Variants in ITGA9 observed in about 807,000 individuals in gnomAD.
ITGA9 encodes integrin subunit alpha 9.
ITGA9 carries 56 observed loss-of-function variants against 127.8 expected under a neutral mutation model. The ratio of observed to expected loss-of-function variants is 0.44; its 90% CI spans 0.35 to 0.55. The LOEUF (loss-of-function observed/expected upper bound fraction) is 0.55. Ranked by LOEUF, ITGA9 falls within the 20% of genes least tolerant of loss-of-function variation. The probability of loss-of-function intolerance (pLI) is 0.00; values close to 1 mark genes in which losing one functional copy is unlikely to be tolerated. For missense variants in ITGA9, 1,196 were observed against 1,347.1 expected (o/e 0.89, Z 1.76); for synonymous variants, 508 against 514.5 (o/e 0.99, Z 0.17).
At chr3:37,603,627 C>T (rs558147700) in intron 15 of ITGA9, among the ~76,000 whole-genome samples, 4 of 152,318 alleles carry the variant, frequency 2.6e-5, no homozygotes, top group East Asian at 1.9e-4. Flanking sequence ...CTCTAAGTTT[C>T]CTTACCAAAA....
rs1374519556 is a variant in ITGA9, at chr3:37,542,537, G to C, written c.1641G>C (p.Gln547His). Residue 547 changes from glutamine to histidine, a missense_variant, in exon 15 of 28, where the codon CAG (glutamine) becomes CAC (histidine). By Grantham distance (24) the Gln-to-His change is conservative (BLOSUM62 0). Transcript: ENST00000264741. ...TGGGTCAGGTCACAGAGAAGCTGCA[G>C]CTGACTTACATGGAGGAGACGTGTC... ...ETMGQVTEKL[Q>H]LTYMEETCRH... The C allele has an allele frequency of 1.2e-6, 2 of 1,614,048 alleles. No individual in the cohort carries two copies. Among genetic ancestry groups the C allele is most frequent in the Non-Finnish European group, 1.7e-6 (2 of 1,180,046 alleles).
intron 25 of ITGA9, 121 bp from the exon 26 acceptor site, chr3:37,784,856 A>G (rs1697019702): frequency 1.3e-6 from 1 of 763,256 alleles, no homozygotes; most frequent in South Asian, 1.5e-5. Context: ...ATCTAGTTCA[A>G]TGATAAAATT....
chr3:37,648,364 C>A (rs1417447317), intron 16 of ITGA9, among the ~76,000 whole-genome samples: 2 of 152,164 alleles, frequency 1.3e-5, no homozygotes, highest in East Asian at 3.8e-4. Context: ...TGCCTCATAC[C>A]TGTAATCACA....
At chr3:37,790,529 A>G (rs1216526826) in intron 26 of ITGA9, 5 of 254,986 alleles carry the variant, frequency 2.0e-5, no homozygotes, top group East Asian at 1.0e-4. Context: ...GCATGCACAC[A>G]TGTCCTGTGA....
intron 26 of ITGA9, among the ~76,000 whole-genome samples, chr3:37,786,307 C>G (rs1284150968): frequency 1.3e-5 from 2 of 152,208 alleles, no homozygotes; most frequent in African/African-American, 4.8e-5. Context: ...GAATGGGGTT[C>G]AAACCAAAGA....
intron 15 of ITGA9, among the ~76,000 whole-genome samples, chr3:37,548,774 C>T (rs1216892610): frequency 6.6e-6 from 1 of 152,190 alleles, no homozygotes; most frequent in Non-Finnish European, 1.5e-5. Flanking sequence ...ATATGTCCTA[C>T]AGAGGACAAG....
intron 15 of ITGA9, among the ~76,000 whole-genome samples, chr3:37,599,304 A>C (rs1432000946): frequency 6.6e-6 from 1 of 152,110 alleles, no homozygotes; most frequent in Non-Finnish European, 1.5e-5. Context: ...CTCATGTGTT[A>C]GGGTTCAGCT....
chr3:37,621,729 T>C (rs2027627), intron 15 of ITGA9, among the ~76,000 whole-genome samples: 109,095 of 152,164 alleles, frequency 0.72, 39,454 homozygotes, highest in East Asian at 0.8. Context: ...TTGGTGCTTT[T>C]TTGACCCTCC....
At chr3:37,808,010 A>G (rs1697319238) in intron 27 of ITGA9, 1 of 152,164 alleles carries the variant, frequency 6.6e-6, no homozygotes, top group African/African-American at 2.4e-5. Flanking sequence ...CTAGGAGACA[A>G]GGCTGGGCTT....
At chr3:37,725,649 A>C (rs181442706) in intron 18 of ITGA9, among the ~76,000 whole-genome samples, 15 of 152,348 alleles carry the variant, frequency 9.8e-5, no homozygotes, top group African/African-American at 3.6e-4. Context: ...AATGGAAATA[A>C]AGAGAAGGTG....
chr3:37,659,069 T>A (rs1358345588), intron 17 of ITGA9, among the ~76,000 whole-genome samples: 1 of 152,228 alleles, frequency 6.6e-6, no homozygotes, highest in African/African-American at 2.4e-5. Context: ...TGGGCTTCCC[T>A]TTGTGGGTAA....
At chr3:37,470,591 C>T (rs1397756425) in intron 1 of ITGA9, among the ~76,000 whole-genome samples, 1 of 152,110 alleles carries the variant, frequency 6.6e-6, no homozygotes, top group African/African-American at 2.4e-5. Context: ...GGATAGGAAC[C>T]TTTTGTTGGT....
intron 15 of ITGA9, among the ~76,000 whole-genome samples, chr3:37,553,425 C>A (rs1193755076): frequency 6.6e-6 from 1 of 152,212 alleles, no homozygotes; most frequent in Non-Finnish European, 1.5e-5. Flanking sequence ...AGCCTTGCTC[C>A]TTCATGTCCT....
In ITGA9 at chr3:37,806,658, G is replaced by A. The variant is rs1697300778; in HGVS notation, c.3009+2716G>A. 6.6e-6 allele frequency: 1 copy of A among 152,246 alleles called. No individual in the cohort carries two copies. Among genetic ancestry groups the A allele is most frequent in the Non-Finnish European group, 1.5e-5 (1 of 68,084 alleles). The allele number at this position is 152,246 out of a possible 1,614,324, so 9.4% of individuals were successfully genotyped here. A position where few individuals can be genotyped will look rare whatever the true frequency, so the allele number is the denominator to read the frequency against. On this transcript the variant is annotated intron_variant, in intron 27 of 27. Coordinates refer to ENST00000264741, the MANE Select transcript of ITGA9 (RefSeq NM_002207.3). The surrounding 1 kb of genome is among the most constrained non-coding windows in gnomAD (Gnocchi z 4.3). ...AGCTGTGTGGGATCCAAAGAGCCAG[G>A]ACCTGAGAAGGCAGACTCTGCCCTC...
At chr3:37,453,591 G>A (rs1052415417) in intron 1 of ITGA9, among the ~76,000 whole-genome samples, 5 of 152,168 alleles carry the variant, frequency 3.3e-5, no homozygotes, top group African/African-American at 1.2e-4. Context: ...TGCCTCATGG[G>A]GGCCCAGGTG....
chr3:37,523,493 G>T (rs1186756040), intron 11 of ITGA9, 28 bp from the exon 12 acceptor site: 3 of 1,560,848 alleles, frequency 1.9e-6, no homozygotes, highest in Non-Finnish European at 2.7e-6. Flanking sequence ...CTTTTCCTGT[G>T]ACTCCATTTC....
chr3:37,505,419 T>G (rs1321742583), intron 6 of ITGA9, among the ~76,000 whole-genome samples: 1 of 152,184 alleles, frequency 6.6e-6, no homozygotes, highest in African/African-American at 2.4e-5. Context: ...ATAACGGATA[T>G]TACTCAATAA....
At chr3:37,690,665 G>C (rs1158331757) in intron 18 of ITGA9, among the ~76,000 whole-genome samples, 2 of 152,206 alleles carry the variant, frequency 1.3e-5, no homozygotes, top group Non-Finnish European at 2.9e-5. Flanking sequence ...TTGCCACAGA[G>C]TGATAGAGGA....
intron 17 of ITGA9, among the ~76,000 whole-genome samples, chr3:37,655,342 C>T (rs1289663916): frequency 2.0e-5 from 3 of 152,216 alleles, no homozygotes; most frequent in African/African-American, 7.2e-5. Flanking sequence ...TTCTCCACAT[C>T]CTCTCCAGCA....
Sources: allele counts gnomAD v4.1 joint callset (sites outside exome capture counted in the v4.1 genomes callset), GRCh38; gene constraint gnomAD v4.1.1; non-coding constraint Gnocchi (gnomAD v3.1); transcripts MANE v1.5; gene names NCBI Gene and HGNC (gene_info 2026-07-23, HGNC 2026-07-21).